PSME3IP1: variants seen among roughly 807,000 people sequenced by gnomAD.
PSME3IP1 encodes the protein proteasome activator subunit 3 interacting protein 1, also known as PSME3-interacting protein.
PSME3IP1 carries 13 observed loss-of-function variants against 34.1 expected under a neutral mutation model. The observed-to-expected ratio is 0.38, with a 90% CI of 0.25 to 0.61. PSME3IP1 has a LOEUF of 0.61. Ranked by LOEUF, PSME3IP1 falls within the 20% of genes least tolerant of loss-of-function variation. PSME3IP1 has a pLI of 0.60. For synonymous variants in PSME3IP1, 93 were observed against 114.3 expected, an observed-to-expected ratio of 0.81 and a Z score of 1.19; for missense variants, 237 against 301.4, an observed-to-expected ratio of 0.79 and a Z score of 1.58.
At chr16:57,163,606 T>C (rs1214090110) in intron 6 of PSME3IP1, among the ~76,000 whole-genome samples, 1 of 152,178 alleles carries the variant, frequency 6.6e-6, no homozygotes, top group Non-Finnish European at 1.5e-5. Flanking sequence ...CTCAATCCAG[T>C]ACAACAATGA....
chr16:57,182,757 A>C (rs1024893347), intron 1 of PSME3IP1, among the ~76,000 whole-genome samples: 3 of 151,778 alleles, frequency 2.0e-5, no homozygotes, highest in Non-Finnish European at 4.4e-5. Flanking sequence ...TAAAAATATG[A>C]AAATTAGCCA....
intron 6 of PSME3IP1, among the ~76,000 whole-genome samples, chr16:57,158,843 T>TG (rs1446136958): frequency 4.6e-5 from 7 of 152,246 alleles, no homozygotes; most frequent in African/African-American, 1.7e-4. Context: ...TATAGCCTAT[T>TG]GCTCCTAGGC....
Position 57,154,889 on chromosome 16 carries a change from G to A in PSME3IP1, c.548-382C>T, listed in dbSNP as rs1363642404. On this transcript the variant is annotated intron_variant, in intron 6 of 6. Transcript: ENST00000309137. The surrounding 1 kb of genome is among the most constrained non-coding windows in gnomAD (Gnocchi z 4.0). Reference sequence around the variant, plus strand: ...CCGTGAGAATCTGAAAACAGATTAAGAGAGACACTGTGAGCAATATTAACA... The same window carrying A: ...CCGTGAGAATCTGAAAACAGATTAAAAGAGACACTGTGAGCAATATTAACA... 6.6e-6 allele frequency among the ~76,000 whole-genome samples: 1 copy of A among 152,226 alleles called. No individual in the cohort carries two copies. Among genetic ancestry groups the A allele is most frequent in the African/African-American group, 2.4e-5 (1 of 41,462 alleles).
Position 57,177,519 on chromosome 16 carries a change from C to T in PSME3IP1, c.-15-3650G>A, listed in dbSNP as rs553893768. The stretch of plus-strand genomic sequence containing the variant: ...CAATCTTTTATACACAGGGACAAAA[C>T]CAGAAATCAGTTGGTTAATGAAAAT... On this transcript the variant is annotated intron_variant, in intron 1 of 6. Coordinates refer to ENST00000309137, the MANE Select transcript of PSME3IP1 (RefSeq NM_024946.4). Among the ~76,000 whole-genome samples the T allele has an allele frequency of 1.5e-4, 23 of 151,612 alleles. No homozygotes were observed. In the South Asian group the frequency reaches 4.8e-3, roughly 32 times the overall value.
At chr16:57,185,482 T>A (rs1364304186) in intron 1 of PSME3IP1, 9 of 982,082 alleles carry the variant, frequency 9.2e-6, no homozygotes, top group African/African-American at 3.5e-5. Context: ...GTGAGTAACC[T>A]GGACCTGTTC....
At chr16:57,166,450 T>C (rs2071881386) in intron 5 of PSME3IP1, among the ~76,000 whole-genome samples, 1 of 152,236 alleles carries the variant, frequency 6.6e-6, no homozygotes, top group South Asian at 2.1e-4. Context: ...CAGGACAGGA[T>C]GCCTTTGCAG....
In PSME3IP1 at chr16:57,186,002, T is replaced by A; in HGVS notation, c.-197A>T. On this transcript the variant is annotated 5_prime_UTR_variant, in exon 1 of 7. Coordinates refer to ENST00000309137, the MANE Select transcript of PSME3IP1 (RefSeq NM_024946.4). Reference sequence around the variant, plus strand: ...AATAGCCTTTGCTTTTGTATTTCTTTTGACCCTTCAGGGCTTCCTGTTCCT... The same window carrying A: ...AATAGCCTTTGCTTTTGTATTTCTTATGACCCTTCAGGGCTTCCTGTTCCT... The A allele has an allele frequency of 1.0e-6, 1 of 985,424 alleles. No homozygotes were observed. The highest frequency in any genetic ancestry group is 1.2e-6 in the Non-Finnish European group (1 of 829,940). 61.0% of individuals were successfully genotyped at this position (985,424 alleles called of 1,614,324 possible).
At chr16:57,176,540 T>G (rs1417508172) in intron 1 of PSME3IP1, among the ~76,000 whole-genome samples, 2 of 152,220 alleles carry the variant, frequency 1.3e-5, no homozygotes, top group African/African-American at 4.8e-5. Context: ...TTCCTTAAAC[T>G]GAACTGAAAT....
chr16:57,171,629 C>A (rs2072600805), intron 4 of PSME3IP1, among the ~76,000 whole-genome samples: 1 of 152,138 alleles, frequency 6.6e-6, no homozygotes, highest in Non-Finnish European at 1.5e-5. Flanking sequence ...TTGGCCCAGG[C>A]ACCTGGAGGC....
chr16:57,159,562 G>A (rs756610286), intron 6 of PSME3IP1, among the ~76,000 whole-genome samples: 3 of 152,254 alleles, frequency 2.0e-5, no homozygotes, highest in Middle Eastern at 3.4e-3. Context: ...GGCCCAAGAC[G>A]GAAATCCTCC....
chr16:57,167,070 G>C lies in PSME3IP1; in HGVS notation c.482+23C>G, dbSNP rs750239981. 2.5e-6 allele frequency: 4 copies of C among 1,611,938 alleles called. No individual in the cohort carries two copies. In the South Asian group the frequency reaches 4.4e-5, roughly 18 times the overall value. ...AGAGTACACGGTCAGAGAGAAATCT[G>C]AGTTGTGTGAGTGCTGACTAACCTC... is the stretch of plus-strand genomic sequence containing the variant. On this transcript the variant is annotated intron_variant, in intron 5 of 6. Transcript: ENST00000309137.
At chr16:57,178,198 C>T (rs1246403106) in intron 1 of PSME3IP1, among the ~76,000 whole-genome samples, 1 of 152,208 alleles carries the variant, frequency 6.6e-6, no homozygotes, top group Non-Finnish European at 1.5e-5. Flanking sequence ...CTCTGCATGG[C>T]TTTGCTCAGG....
rs1304286013 is a variant in PSME3IP1 at position 57,153,591 on chromosome 16, C to T, written c.*699G>A. ...AACAAACATAAAATAATTTCCCAGG[C>T]AGAGAAAAGGTTTGAGATGGAAGCG... On this transcript the variant is annotated 3_prime_UTR_variant, in exon 7 of 7. Transcript: ENST00000309137. The T allele has an allele frequency of 6.6e-6, 1 of 152,124 alleles. No individual in the cohort carries two copies. Among genetic ancestry groups the T allele is most frequent in the African/African-American group, 2.4e-5 (1 of 41,394 alleles). 9.4% of individuals were successfully genotyped at this position (152,124 alleles called of 1,614,324 possible).
chr16:57,167,944 GT>G (rs568034828), intron 4 of PSME3IP1, among the ~76,000 whole-genome samples: 20 of 152,304 alleles, frequency 1.3e-4, no homozygotes, highest in African/African-American at 4.6e-4. Flanking sequence ...TGTAACATCA[GT>G]TTTTCGTTCT....
chr16:57,184,919 C>T (rs2074029985), intron 1 of PSME3IP1, among the ~76,000 whole-genome samples: 1 of 152,236 alleles, frequency 6.6e-6, no homozygotes, highest in Non-Finnish European at 1.5e-5. Flanking sequence ...CGGCTCAATA[C>T]TTTGTATCAA....
chr16:57,166,726 C>A (rs2071919129), intron 5 of PSME3IP1, among the ~76,000 whole-genome samples: 1 of 152,188 alleles, frequency 6.6e-6, no homozygotes, highest in East Asian at 1.9e-4. Context: ...TGATCTTGCA[C>A]AAAGAAGGGT....
chr16:57,172,198 T>C, intron 4 of PSME3IP1, 53 bp downstream of exon 4: 1 of 1,600,078 alleles, frequency 6.2e-7, no homozygotes, highest in African/African-American at 1.3e-5. Context: ...CATCCATAGA[T>C]GCTGATGAGA....
In PSME3IP1 at chr16:57,154,802, T is replaced by C. The variant is rs903645942; in HGVS notation, c.548-295A>G. On this transcript the variant is annotated intron_variant, in intron 6 of 6. Coordinates refer to ENST00000309137, the MANE Select transcript of PSME3IP1 (RefSeq NM_024946.4). The surrounding 1 kb of genome is among the most constrained non-coding windows in gnomAD (Gnocchi z 4.0). ...TCTCTTGTTCCCCATCAAATCCGAG[T>C]TGGAGAACAAGCTACTCTGGAGTGT... Among the ~76,000 whole-genome samples, 3 of 152,162 alleles carry C rather than the reference T, an allele frequency of 2.0e-5. No homozygotes were observed. Among genetic ancestry groups the C allele is most frequent in the East Asian group, 1.9e-4 (1 of 5,194 alleles).
In PSME3IP1 at chr16:57,167,142, T is replaced by C. The variant is rs776894654; in HGVS notation, c.433A>G (p.Asn145Asp). The C allele has an allele frequency of 3.7e-6, 6 of 1,614,206 alleles. No homozygotes were observed. Among genetic ancestry groups the C allele is most frequent in the Non-Finnish European group, 5.1e-6 (6 of 1,180,052 alleles). ...KLTVKPIETKNKFSQAKLLAG... is the reference protein window; with the variant it reads ...KLTVKPIETKDKFSQAKLLAG... ...AACAGCTTCGCCTGGGAGAACTTGT[T>C]CTTGGTTTCTATAGGCTTCACAGTC... is the stretch of plus-strand genomic sequence containing the variant. The change falls in exon 5 of 7, where the codon AAC becomes GAC. Residue 145 changes from asparagine (N) to aspartate (D), a missense_variant. Physicochemically the swap from Asn to Asp is conservative, Grantham distance 23 (BLOSUM62 1). Transcript: ENST00000309137.
Sources: allele counts gnomAD v4.1 joint callset (sites outside exome capture counted in the v4.1 genomes callset), GRCh38; gene constraint gnomAD v4.1.1; non-coding constraint Gnocchi (gnomAD v3.1); transcripts MANE v1.5; gene names NCBI Gene and HGNC (gene_info 2026-07-23, HGNC 2026-07-21).